SYN3: variants seen among roughly 807,000 people sequenced by gnomAD.
SYN3 encodes the protein synapsin III.
A neutral mutation model predicts 65.8 loss-of-function variants in SYN3; 35 were observed. The observed-to-expected ratio is 0.53, with a 90% confidence interval of 0.41 to 0.70. SYN3 has a LOEUF of 0.70. SYN3 is among the 30% of genes least tolerant of loss of function. The pLI, the probability that SYN3 is intolerant of heterozygous loss-of-function variation, is 0.00. For synonymous variants in SYN3, 270 were observed against 292.9 expected, an observed-to-expected ratio of 0.92 and a Z score of 0.80; for missense variants, 680 against 749.0, an observed-to-expected ratio of 0.91 and a Z score of 1.08.
chr22:32,685,473 C>T (rs1383375146), intron 6 of SYN3, among the ~76,000 whole-genome samples: 8 of 152,212 alleles, frequency 5.3e-5, no homozygotes, highest in Non-Finnish European at 1.0e-4. Flanking sequence ...CTGCCCTATA[C>T]AGGTGTACCA....
In SYN3 at chr22:32,976,873, A is replaced by G. The variant is rs373360752; in HGVS notation, c.369+3772T>C. On this transcript the variant is annotated intron_variant, in intron 3 of 13. Transcript: ENST00000358763. The stretch of plus-strand genomic sequence containing the variant: ...CCAGCAAAACCCAGACAGTGCAATT[A>G]TCTGGTTAATTTGGCCCTTGGTTGG... Among the ~76,000 whole-genome samples the G allele has an allele frequency of 5.9e-5, 9 of 152,278 alleles. No homozygotes were observed. In the East Asian group the frequency reaches 1.4e-3, roughly 23 times the overall value.
intron 6 of SYN3, among the ~76,000 whole-genome samples, chr22:32,632,135 T>C (rs2059755524): frequency 1.3e-5 from 2 of 152,208 alleles, no homozygotes; most frequent in East Asian, 3.9e-4. Context: ...GTATTGGCAG[T>C]ATGTGAGTGG....
intron 6 of SYN3, among the ~76,000 whole-genome samples, chr22:32,762,695 C>A (rs1032823177): frequency 6.6e-6 from 1 of 152,174 alleles, no homozygotes; most frequent in Non-Finnish European, 1.5e-5. Flanking sequence ...ATGGACAGAG[C>A]GAGGTGGGGC....
At chr22:32,734,601 G>A (rs983424144) in intron 6 of SYN3, among the ~76,000 whole-genome samples, 14 of 152,166 alleles carry the variant, frequency 9.2e-5, no homozygotes, top group South Asian at 2.1e-4. Flanking sequence ...GGGAAGCAGC[G>A]GAACCCCATC....
chr22:33,011,694 C>T (rs2053355769), intron 1 of SYN3, among the ~76,000 whole-genome samples: 1 of 152,040 alleles, frequency 6.6e-6, no homozygotes, highest in Non-Finnish European at 1.5e-5. Flanking sequence ...GTGAAACCAT[C>T]TGGGGTTGGT....
chr22:32,768,745 C>A (rs2045690368), intron 6 of SYN3, among the ~76,000 whole-genome samples: 1 of 152,222 alleles, frequency 6.6e-6, no homozygotes, highest in South Asian at 2.1e-4. Flanking sequence ...CTTCCTGAGC[C>A]CATTCATTCT....
At chr22:33,009,018 G>A (rs1460478619) in intron 1 of SYN3, among the ~76,000 whole-genome samples, 1 of 148,980 alleles carries the variant, frequency 6.7e-6, no homozygotes, top group Non-Finnish European at 1.5e-5. Flanking sequence ...AATGTTTGCA[G>A]TTTTCAGAAA....
At chr22:32,888,203 G>A in intron 4 of SYN3, among the ~76,000 whole-genome samples, 1 of 152,102 alleles carries the variant, frequency 6.6e-6, no homozygotes, top group Non-Finnish European at 1.5e-5. Flanking sequence ...TATGTAACAT[G>A]ACTGGCATTT....
At chr22:32,552,430 T>C (rs1304027149) in intron 7 of SYN3, among the ~76,000 whole-genome samples, 8 of 150,920 alleles carry the variant, frequency 5.3e-5, no homozygotes, top group Admixed American at 2.0e-4. Context: ...CTTTTTTTTT[T>C]CTTTTTTTTT....
chr22:32,993,796 G>C (rs1013376380), intron 2 of SYN3, among the ~76,000 whole-genome samples: 2 of 152,206 alleles, frequency 1.3e-5, no homozygotes, highest in Admixed American at 6.5e-5. Context: ...ACAGAGGCCA[G>C]AGAAGGTGAT....
intron 6 of SYN3, among the ~76,000 whole-genome samples, chr22:32,674,743 A>G (rs2070121479): frequency 6.6e-6 from 1 of 152,212 alleles, no homozygotes. Context: ...TATGTAAAGT[A>G]CACGCCCTAG....
At chr22:32,549,613 T>C (rs1407483001) in intron 7 of SYN3, among the ~76,000 whole-genome samples, 1 of 152,152 alleles carries the variant, frequency 6.6e-6, no homozygotes, top group Non-Finnish European at 1.5e-5. Context: ...ATTAAAAAAA[T>C]ACAGGCTGGG....
At chr22:32,570,687 T>C (rs1225809521) in intron 7 of SYN3, among the ~76,000 whole-genome samples, 1 of 151,852 alleles carries the variant, frequency 6.6e-6, no homozygotes, top group African/African-American at 2.4e-5. Context: ...GGGACGTGAG[T>C]TGGCATCTGG....
intron 6 of SYN3, among the ~76,000 whole-genome samples, chr22:32,648,889 T>G (rs2060021799): frequency 6.6e-6 from 1 of 152,222 alleles, no homozygotes; most frequent in African/African-American, 2.4e-5. Flanking sequence ...TACCAATGAA[T>G]GTGCATTTTA....
intron 10 of SYN3, among the ~76,000 whole-genome samples, chr22:32,529,744 C>A (rs1183179816): frequency 6.6e-6 from 1 of 152,180 alleles, no homozygotes; most frequent in South Asian, 2.1e-4. Flanking sequence ...GTCTGTCAGG[C>A]CTTGGCGCAT....
intron 3 of SYN3, among the ~76,000 whole-genome samples, chr22:32,941,775 T>C (rs977292001): frequency 1.3e-5 from 2 of 152,224 alleles, no homozygotes; most frequent in African/African-American, 2.4e-5. Flanking sequence ...CCGAGGGTCT[T>C]AGCAAACAGT....
chr22:32,984,308 A>C (rs1024624299), intron 2 of SYN3, among the ~76,000 whole-genome samples: 2 of 152,074 alleles, frequency 1.3e-5, no homozygotes, highest in Non-Finnish European at 2.9e-5. Flanking sequence ...TTTGCACTCT[A>C]CCCAGCACGT....
chr22:33,053,533 A>G (rs1039819559), intron 1 of SYN3, among the ~76,000 whole-genome samples: 1 of 152,122 alleles, frequency 6.6e-6, no homozygotes, highest in Non-Finnish European at 1.5e-5. Context: ...AAGTCAAACC[A>G]AGCCTTTTAT....
At chr22:32,547,018 G>A (rs555435869) in intron 7 of SYN3, among the ~76,000 whole-genome samples, 143 of 151,694 alleles carry the variant, frequency 9.4e-4, no homozygotes, top group Non-Finnish European at 1.7e-3. Context: ...TCTCTCTGTC[G>A]CCTAAGCTGG....
Sources: gnomAD v4.1 joint callset for allele counts (sites outside exome capture counted in the v4.1 genomes callset) on GRCh38, gnomAD v4.1.1 for gene constraint, MANE v1.5 for transcripts, NCBI Gene and HGNC (gene_info 2026-07-23, HGNC 2026-07-21) for gene names.